Variants in FANCD2 observed in about 807,000 individuals in gnomAD.
FANCD2 encodes the protein Fanconi anemia group D2 protein.
FANCD2 carries 131 observed loss-of-function variants against 192.3 expected under a neutral mutation model. That is an observed-to-expected ratio of 0.68 (90% CI 0.59 to 0.79). The LOEUF is 0.79. Ranked by LOEUF, FANCD2 falls within the 30% of genes least tolerant of loss-of-function variation. FANCD2 has a pLI of 0.00. For synonymous variants in FANCD2, 524 were observed against 612.5 expected (o/e 0.86, Z 2.13); for missense variants, 1,508 against 1,701.6 (o/e 0.89, Z 2.00).
chr3:10,083,887 CAAA>C (rs1301118343), intron 32 of FANCD2, among the ~76,000 whole-genome samples: 1 of 43,838 alleles, frequency 2.3e-5, no homozygotes. Context: ...GACTCCGTCT[CAAA>C]AAAAAAAAAA....
chr3:10,098,959 G>A (rs1156984983), intron 43 of FANCD2, 144 bp downstream of exon 43: 1 of 1,614,126 alleles, frequency 6.2e-7, no homozygotes, highest in Admixed American at 1.7e-5. Flanking sequence ...AACAGCTTCT[G>A]TGCTTATATA....
chr3:10,048,325 C>T (rs1164897512), intron 16 of FANCD2, among the ~76,000 whole-genome samples: 18 of 115,902 alleles, frequency 1.6e-4, no homozygotes, highest in Admixed American at 1.2e-3. Context: ...TGTTTTGAGA[C>T]GTGGTTTTGC....
In FANCD2 at chr3:10,036,086, C is replaced by CTTTTTTTTTTTTTTTT. The variant is rs532765216; in HGVS notation, c.439-197_439-182dup. Among the ~76,000 whole-genome samples the CTTTTTTTTTTTTTTTT allele has an allele frequency of 3.3e-4, 34 of 102,578 alleles. 3 individuals carry two copies. Among genetic ancestry groups the CTTTTTTTTTTTTTTTT allele is most frequent in the African/African-American group, 8.8e-4 (21 of 23,986 alleles). The allele number at this position is 102,578 out of a possible 152,430, so 67.3% of individuals were successfully genotyped here. ...TAGTTGGAAAGAGAATTATACATTT[C>CTTTTTTTTTTTTTTTT]TTTTTTTTTTTTTTTTTTTGAGTCA... On this transcript the variant is annotated intron_variant, in intron 6 of 43. Transcript: ENST00000675286.
Position 10,084,151 on chromosome 3 carries a change from A to G in FANCD2, c.3225-1661A>G, listed in dbSNP as rs1194866824. On this transcript the variant is annotated intron_variant, in intron 32 of 43. Coordinates refer to ENST00000675286, the MANE Select transcript of FANCD2 (RefSeq NM_001018115.3). ...TGAGATTACATGCGCCTGCCACTGC[A>G]CCTGGCTAATTTTTGTATTTTTAGT... Among the ~76,000 whole-genome samples, 5 of 151,644 alleles carry G rather than the reference A, an allele frequency of 3.3e-5. No homozygotes were observed. The East Asian group carries it at 9.8e-4, about 30-fold the overall frequency.
intron 18 of FANCD2, among the ~76,000 whole-genome samples, chr3:10,054,359 ATATATATACG>A: frequency 8.7e-6 from 1 of 114,484 alleles, no homozygotes; most frequent in African/African-American, 4.9e-5. Flanking sequence ...ATACGTATAT[ATATATATACG>A]TGTATATACA....
intron 36 of FANCD2, among the ~76,000 whole-genome samples, chr3:10,089,227 G>A (rs1250882648): frequency 6.6e-6 from 1 of 151,960 alleles, no homozygotes. Context: ...GGAGGTTGCA[G>A]TGAGCCGGGA....
chr3:10,030,190 G>A (rs1264821358), intron 2 of FANCD2, among the ~76,000 whole-genome samples: 5 of 151,162 alleles, frequency 3.3e-5, no homozygotes, highest in Non-Finnish European at 5.9e-5. Context: ...TCCGCCTCCC[G>A]GGTTCAAGCG....
intron 9 of FANCD2, 139 bp downstream of exon 9, chr3:10,039,984 ATTTGACTT>A: frequency 1.3e-6 from 1 of 789,010 alleles, no homozygotes; most frequent in Admixed American, 2.8e-5. Context: ...AGGGTATGGG[ATTTGACTT>A]AAAAAAAAAA....
Position 10,052,329 on chromosome 3 carries a change from A to T in FANCD2, c.1546-58A>T, listed in dbSNP as rs140083233. ...CTTTTACAGGGATTTTAATTTTTTGAATTTTAAGGGAAAAATGTTAGCTGC... is the reference window on the plus strand; with the variant it reads ...CTTTTACAGGGATTTTAATTTTTTGTATTTTAAGGGAAAAATGTTAGCTGC... On this transcript the variant is annotated intron_variant, in intron 17 of 43. Coordinates refer to ENST00000675286, the MANE Select transcript of FANCD2 (RefSeq NM_001018115.3). 5.2e-3 allele frequency: 6,064 copies of T among 1,158,636 alleles called. 69 individuals carry two copies. The highest frequency in any genetic ancestry group is 0.029 in the South Asian group (2,359 of 81,736). The allele number at this position is 1,158,636 out of a possible 1,614,324, so 71.8% of individuals were successfully genotyped here.
At chr3:10,095,778 C>G (rs1376453716) in intron 41 of FANCD2, among the ~76,000 whole-genome samples, 1 of 152,132 alleles carries the variant, frequency 6.6e-6, no homozygotes, top group Non-Finnish European at 1.5e-5. Flanking sequence ...ACACAGAACC[C>G]TAGAGTTCTG....
At chr3:10,070,504 G>C (rs1443152511) in intron 26 of FANCD2, among the ~76,000 whole-genome samples, 1 of 3,490 alleles carries the variant, frequency 2.9e-4, no homozygotes, top group East Asian at 5.1e-3. Context: ...GGAGGGAGGT[G>C]GGGGGGGTCA....
At chr3:10,042,059 G>A (rs1011573919) in intron 10 of FANCD2, among the ~76,000 whole-genome samples, 5 of 151,834 alleles carry the variant, frequency 3.3e-5, no homozygotes, top group Admixed American at 6.6e-5. Context: ...CACCACTCCC[G>A]GCTAATTTTT....
chr3:10,046,129 CTG>C (rs1175640178), intron 14 of FANCD2, among the ~76,000 whole-genome samples: 2 of 149,280 alleles, frequency 1.3e-5, no homozygotes, highest in Non-Finnish European at 3.0e-5. Flanking sequence ...TCTCGGCTCA[CTG>C]TAAGCTCTGC....
chr3:10,047,872 T>C (rs200664345), intron 15 of FANCD2, 45 bp from the exon 16 acceptor site: 2 of 1,610,550 alleles, frequency 1.2e-6, no homozygotes, highest in Admixed American at 3.3e-5. Flanking sequence ...GTGTACTAAC[T>C]GTTTCCTACA....
intron 20 of FANCD2, 144 bp downstream of exon 20, chr3:10,062,355 C>G: frequency 1.5e-6 from 1 of 674,570 alleles, no homozygotes; most frequent in South Asian, 1.7e-5. Context: ...ATTCTCCTGC[C>G]TCAGCCTCCA....
Position 10,064,347 on chromosome 3 carries a change from T to C in FANCD2, c.1948-9T>C, listed in dbSNP as rs754092835. On this transcript the variant is annotated splice_polypyrimidine_tract_variant and intron_variant, in intron 21 of 43. Transcript: ENST00000675286. The stretch of plus-strand genomic sequence containing the variant: ...TGCACTGCCCTTTTTGTTTGTTTGC[T>C]TCCTGAAGGAATGGGTTGGGCATAC... 6.3e-7 allele frequency: 1 copy of C among 1,596,134 alleles called. No individual in the cohort carries two copies. Among genetic ancestry groups the C allele is most frequent in the South Asian group, 1.1e-5 (1 of 90,644 alleles).
chr3:10,099,045 T>C lies in FANCD2; in HGVS notation c.4281+230T>C, dbSNP rs903053377. On this transcript the variant is annotated intron_variant, in intron 43 of 43. Coordinates refer to ENST00000675286, the MANE Select transcript of FANCD2 (RefSeq NM_001018115.3). ...GTATCTCGAGTTGTGGCATTTGTTA[T>C]AGAGTTGACAATTTTCTGCATTATA... 1.1e-4 allele frequency: 180 copies of C among 1,599,402 alleles called. 1 individual carries two copies. In the African/African-American group the frequency reaches 2.1e-3, roughly 19 times the overall value.
intron 36 of FANCD2, among the ~76,000 whole-genome samples, chr3:10,089,240 G>A (rs1337567473): frequency 1.3e-5 from 2 of 151,650 alleles, no homozygotes; most frequent in Non-Finnish European, 2.9e-5. Context: ...AGCCGGGATC[G>A]CGCCACTGCA....
At chr3:10,037,140 T>A (rs9820818) in intron 7 of FANCD2, among the ~76,000 whole-genome samples, 4,276 of 152,180 alleles carry the variant, frequency 0.028, 213 homozygotes, top group African/African-American at 0.098. Context: ...TGTTTTTTTT[T>A]AATTACTATG....
Sources: allele counts gnomAD v4.1 joint callset (sites outside exome capture counted in the v4.1 genomes callset), GRCh38; gene constraint gnomAD v4.1.1; transcripts MANE v1.5; gene names NCBI Gene and HGNC (gene_info 2026-07-23, HGNC 2026-07-21).